UBAP2L: variants seen among roughly 807,000 people sequenced by gnomAD.
UBAP2L encodes ubiquitin associated protein 2 like.
Under a neutral mutation model 130.6 loss-of-function variants are expected in UBAP2L, and 12 were observed. The observed-to-expected ratio is 0.09, with a 90% CI of 0.06 to 0.15. The LOEUF (loss-of-function observed/expected upper bound fraction) is 0.15. Ranked by LOEUF, UBAP2L falls within the 10% of genes least tolerant of loss-of-function variation. The pLI is 1.00. For synonymous variants in UBAP2L, 503 were observed against 524.7 expected (o/e 0.96, Z 0.57); for missense variants, 965 against 1,332.5 (o/e 0.72, Z 4.29).
At chr1:154,230,633 A>G (rs1404170054) in intron 4 of UBAP2L, among the ~76,000 whole-genome samples, 2 of 152,134 alleles carry the variant, frequency 1.3e-5, no homozygotes, top group African/African-American at 2.4e-5. Context: ...CGCAAATCAC[A>G]TTTTATCTTA....
intron 11 of UBAP2L, among the ~76,000 whole-genome samples, chr1:154,247,939 G>C (rs530353850): frequency 6.6e-6 from 1 of 151,372 alleles, no homozygotes; most frequent in Non-Finnish European, 1.5e-5. Context: ...TGAACACTAG[G>C]TAATTTTAAT....
intron 22 of UBAP2L, 75 bp downstream of exon 22, chr1:154,260,104 C>T: frequency 6.9e-7 from 1 of 1,459,372 alleles, no homozygotes. Context: ...TGATTGGTAG[C>T]AAGAAGGGAT....
chr1:154,244,808 G>T (rs1374664010), intron 10 of UBAP2L, among the ~76,000 whole-genome samples: 1 of 152,114 alleles, frequency 6.6e-6, no homozygotes, highest in Non-Finnish European at 1.5e-5. Flanking sequence ...ATTGTTATGA[G>T]TTTTATTACC....
At chr1:154,257,029 C>A in intron 18 of UBAP2L, 34 bp from the exon 19 acceptor site, 1 of 1,597,298 alleles carries the variant, frequency 6.3e-7, no homozygotes, top group Non-Finnish European at 8.5e-7. Context: ...GATCTCTTTT[C>A]TTCTTCTCTC....
At chr1:154,267,122 G>A (rs1278234568) in intron 25 of UBAP2L, among the ~76,000 whole-genome samples, 6 of 144,122 alleles carry the variant, frequency 4.2e-5, no homozygotes, top group Non-Finnish European at 9.2e-5. Flanking sequence ...ATCTCAGTAT[G>A]TGTTTATTTC....
intron 8 of UBAP2L, among the ~76,000 whole-genome samples, chr1:154,239,213 A>G (rs902944041): frequency 2.0e-5 from 3 of 151,768 alleles, no homozygotes; most frequent in Non-Finnish European, 4.4e-5. Flanking sequence ...ATTTACAAGC[A>G]AAATTTCACT....
chr1:154,254,078 A>T lies in UBAP2L; in HGVS notation c.1843A>T (p.Thr615Ser). 2 of 1,560,300 alleles carry T rather than the reference A, an allele frequency of 1.3e-6. No individual in the cohort carries two copies. Among genetic ancestry groups the T allele is most frequent in the Non-Finnish European group, 1.7e-6 (2 of 1,157,140 alleles). Residue 615 changes from threonine to serine, a missense_variant, in exon 15 of 27, where the codon ACT (threonine) becomes TCT (serine). Coordinates refer to ENST00000428931, the MANE Select transcript of UBAP2L (RefSeq NM_014847.4). The stretch of plus-strand genomic sequence containing the variant: ...CTCTTCATCACCCCAAAAGGACCTG[A>T]CTCAGGCAAAGGTAGTGGCTTCATG... ...SISSSPQKDLTQAKNGFSSVQ... is the reference protein window; with the variant it reads ...SISSSPQKDLSQAKNGFSSVQ...
intron 24 of UBAP2L, among the ~76,000 whole-genome samples, chr1:154,264,439 A>C (rs940758663): frequency 6.6e-6 from 1 of 152,100 alleles, no homozygotes; most frequent in African/African-American, 2.4e-5. Flanking sequence ...CTTCCTAATA[A>C]CTGGTGAGGG....
At chr1:154,223,447 C>T (rs1319937158) in intron 1 of UBAP2L, among the ~76,000 whole-genome samples, 1 of 151,996 alleles carries the variant, frequency 6.6e-6, no homozygotes, top group African/African-American at 2.4e-5. Flanking sequence ...AATAGTTTTC[C>T]TCTCGTCTTT....
chr1:154,231,288 CT>C (rs5777894), intron 4 of UBAP2L, among the ~76,000 whole-genome samples: 87,694 of 138,180 alleles, frequency 0.63, 28,023 homozygotes, highest in East Asian at 0.93. Flanking sequence ...CCACACTTGG[CT>C]TTTTTTTTTT....
chr1:154,253,778 G>C, intron 14 of UBAP2L, 122 bp from the exon 15 acceptor site: 1 of 983,762 alleles, frequency 1.0e-6, no homozygotes, highest in Non-Finnish European at 1.5e-6. Context: ...TCTATTTGTT[G>C]CTGAAAAATT....
Position 154,254,215 on chromosome 1 carries a change from A to G in UBAP2L, c.1854+126A>G. The G allele has an allele frequency of 3.4e-6, 3 of 870,118 alleles. No homozygotes were observed. In the East Asian group the frequency reaches 9.1e-5, roughly 27 times the overall value. The allele number at this position is 870,118 out of a possible 1,614,324, so 53.9% of individuals were successfully genotyped here. Reference sequence around the variant, plus strand: ...TTTGGAAGTAGTGATTGAGAATTTGAAAAAGGCACACATCTGTGGCTAGTG... The same window carrying G: ...TTTGGAAGTAGTGATTGAGAATTTGGAAAAGGCACACATCTGTGGCTAGTG... On this transcript the variant is annotated intron_variant, in intron 15 of 26. Transcript: ENST00000428931.
intron 22 of UBAP2L, 47 bp from the exon 23 acceptor site, chr1:154,260,845 G>C (rs767460945): frequency 6.4e-7 from 1 of 1,557,210 alleles, no homozygotes; most frequent in East Asian, 2.2e-5. Context: ...ATTCTGTATT[G>C]GTATTGGGGT....
intron 3 of UBAP2L, among the ~76,000 whole-genome samples, chr1:154,227,695 C>T (rs1464333237): frequency 1.3e-5 from 2 of 151,912 alleles, no homozygotes; most frequent in African/African-American, 4.8e-5. Flanking sequence ...TACAGGCGCT[C>T]ACCACCATGC....
Position 154,251,524 on chromosome 1 carries a change from C to T in UBAP2L, c.1535C>T (p.Ser512Leu). 6.2e-7 allele frequency: 1 copy of T among 1,614,024 alleles called. No individual in the cohort carries two copies. Among genetic ancestry groups the T allele is most frequent in the Non-Finnish European group, 8.5e-7 (1 of 1,180,004 alleles). ...GAGATGCCTGGCTCAGCAGATATCT[C>T]AGGGCTAAACCTGCAGTTTGGGGCA... is the stretch of plus-strand genomic sequence containing the variant. ...AVEMPGSADI[S>L]GLNLQFGALQ... The change falls in exon 14 of 27, where the codon TCA becomes TTA. Residue 512 changes from serine to leucine, a missense_variant. Physicochemically the swap from Ser to Leu is moderately radical, Grantham distance 145. Transcript: ENST00000428931.
intron 8 of UBAP2L, among the ~76,000 whole-genome samples, chr1:154,237,971 C>T (rs1263496290): frequency 6.6e-6 from 1 of 152,144 alleles, no homozygotes; most frequent in African/African-American, 2.4e-5. Context: ...TCTGGCTGAG[C>T]TAACACATGA....
chr1:154,220,212 T>A (rs1334766108), upstream of UBAP2L: 1 of 1,155,572 alleles, frequency 8.7e-7, no homozygotes, highest in Admixed American at 1.8e-5. Flanking sequence ...CACCTACTCC[T>A]GGAATAAGGA....
At position 154,270,774 on chromosome 1, in the gene UBAP2L, T is replaced by G. The variant is rs1684593700; in HGVS notation, c.*479T>G. The G allele has an allele frequency of 2.5e-6, 3 of 1,219,850 alleles. No individual in the cohort carries two copies. The highest frequency in any genetic ancestry group is 2.1e-6 in the Non-Finnish European group (2 of 975,538). The allele number at this position is 1,219,850 out of a possible 1,614,324, so 75.6% of individuals were successfully genotyped here. A position where few individuals can be genotyped will look rare whatever the true frequency, so the allele number is the denominator to read the frequency against. On this transcript the variant is annotated 3_prime_UTR_variant, in exon 27 of 27. Transcript: ENST00000428931. Reference sequence around the variant, plus strand: ...AGTTGAAGTGGTTTTTTTTTTGTTTTTTTTTTTTTTTTGTACTGTGTCCTC... The same window carrying G: ...AGTTGAAGTGGTTTTTTTTTTGTTTGTTTTTTTTTTTTGTACTGTGTCCTC...
At chr1:154,253,670 C>T (rs1249917120) in intron 14 of UBAP2L, among the ~76,000 whole-genome samples, 2 of 152,140 alleles carry the variant, frequency 1.3e-5, no homozygotes, top group Non-Finnish European at 2.9e-5. Flanking sequence ...CTGCGCCCGG[C>T]CTAGATGTTT....
Sources: gnomAD v4.1 joint callset for allele counts (sites outside exome capture counted in the v4.1 genomes callset) on GRCh38, gnomAD v4.1.1 for gene constraint, MANE v1.5 for transcripts, NCBI Gene and HGNC (gene_info 2026-07-23, HGNC 2026-07-21) for gene names.